EYS: variants seen among roughly 807,000 people sequenced by gnomAD.
EYS encodes the protein protein eyes shut homolog.
A neutral mutation model predicts 282.1 loss-of-function variants in EYS; 250 were observed. The observed-to-expected ratio is 0.89, with a 90% CI of 0.80 to 0.98. The LOEUF (loss-of-function observed/expected upper bound fraction) is 0.98, where lower values mean the gene tolerates loss of function less well. Ranked by LOEUF, EYS falls within the 50% of genes least tolerant of loss-of-function variation. The pLI is 0.00. For missense variants in EYS, 4,016 were observed against 3,709.0 expected (o/e 1.08, Z -2.15); for synonymous variants, 1,355 against 1,282.9 (o/e 1.06, Z -1.20).
At position 65,095,516 on chromosome 6, in the gene EYS, T is replaced by C. The variant is rs554042583; in HGVS notation, c.2024-37789A>G. ...GATTTAGCCATTCTACCATTATATA[T>C]AAATACATTAAAGCATCATGTTGGG... On this transcript the variant is annotated intron_variant, in intron 12 of 42. Coordinates refer to ENST00000503581, the MANE Select transcript of EYS (RefSeq NM_001142800.2). Among the ~76,000 whole-genome samples, 8 of 151,174 alleles carry C rather than the reference T, an allele frequency of 5.3e-5. No homozygotes were observed. In the East Asian group the frequency reaches 5.8e-4, roughly 11 times the overall value.
At chr6:63,987,403 T>C (rs1470422688) in intron 34 of EYS, among the ~76,000 whole-genome samples, 1 of 151,728 alleles carries the variant, frequency 6.6e-6, no homozygotes, top group African/African-American at 2.4e-5. Context: ...CTTATGTGCA[T>C]TGACCAGAAT....
chr6:64,396,504 T>C (rs1257508439), intron 28 of EYS, among the ~76,000 whole-genome samples: 2 of 152,114 alleles, frequency 1.3e-5, no homozygotes, highest in Non-Finnish European at 2.9e-5. Flanking sequence ...TAATAATTAG[T>C]ATTTTGTTGT....
intron 12 of EYS, among the ~76,000 whole-genome samples, chr6:65,260,776 A>C (rs1767599150): frequency 6.6e-6 from 1 of 152,070 alleles, no homozygotes; most frequent in Non-Finnish European, 1.5e-5. Context: ...ATGGGTAAAA[A>C]AGCACAAAAA....
intron 22 of EYS, among the ~76,000 whole-genome samples, chr6:64,643,012 G>T (rs994205444): frequency 1.3e-5 from 2 of 152,086 alleles, no homozygotes; most frequent in African/African-American, 4.8e-5. Flanking sequence ...CTACTTGAGG[G>T]GCTGAGGCAG....
chr6:64,013,423 T>C (rs769473714), intron 33 of EYS, among the ~76,000 whole-genome samples: 4 of 152,186 alleles, frequency 2.6e-5, no homozygotes, highest in Non-Finnish European at 4.4e-5. Context: ...AATATAAATT[T>C]GCATCCAGAA....
chr6:64,654,471 C>T (rs1768676834), intron 22 of EYS, among the ~76,000 whole-genome samples: 1 of 152,098 alleles, frequency 6.6e-6, no homozygotes, highest in Non-Finnish European at 1.5e-5. Flanking sequence ...ATGGAACTAA[C>T]CAAGTCAAAG....
chr6:64,386,461 T>G (rs1772913500), intron 29 of EYS, among the ~76,000 whole-genome samples: 1 of 152,106 alleles, frequency 6.6e-6, no homozygotes, highest in Admixed American at 6.6e-5. Context: ...CTCCTGAGAC[T>G]TATTCACTAC....
chr6:64,827,312 T>A, intron 19 of EYS, among the ~76,000 whole-genome samples: 1 of 151,892 alleles, frequency 6.6e-6, no homozygotes, highest in East Asian at 1.9e-4. Flanking sequence ...TTCCTTTTGA[T>A]ATCTCCCATT....
chr6:65,442,637 C>A (rs944926650), intron 5 of EYS, among the ~76,000 whole-genome samples: 1 of 151,402 alleles, frequency 6.6e-6, no homozygotes, highest in African/African-American at 2.4e-5. Context: ...GCATATAGTC[C>A]CAGGTATCTG....
At chr6:64,343,297 A>G (rs1329881379) in intron 29 of EYS, among the ~76,000 whole-genome samples, 3 of 152,016 alleles carry the variant, frequency 2.0e-5, no homozygotes, top group Non-Finnish European at 4.4e-5. Flanking sequence ...AATTGACCAC[A>G]TAGTTGGAAG....
Position 64,912,644 on chromosome 6 carries a change from A to C in EYS, c.2481T>G (p.Ser827=). 2.6e-6 allele frequency: 4 copies of C among 1,549,920 alleles called. No homozygotes were observed. Among genetic ancestry groups the C allele is most frequent in the Non-Finnish European group, 3.5e-6 (4 of 1,145,748 alleles). The part of the protein sequence containing the change: ...PCMNGGLCHE[S]TIPGQFVCLC... The stretch of plus-strand genomic sequence containing the variant: ...GACATACAAATTGTCCAGGGATGGT[A>C]GATTCATGACAAAGACCTCCATTCA... The change falls in exon 16 of 43, where the codon TCT becomes TCG. Residue 827 remains serine (S), a synonymous_variant. Transcript: ENST00000503581.
In EYS at chr6:64,501,028, GTTT is replaced by G. The variant is rs35021721; in HGVS notation, c.5645-61679_5645-61677del. 1.7e-3 allele frequency among the ~76,000 whole-genome samples: 215 copies of G among 129,814 alleles called. 1 individual carries two copies. The highest frequency in any genetic ancestry group is 0.013 in the South Asian group (50 of 3,846). 85.2% of individuals were successfully genotyped at this position (129,814 alleles called of 152,430 possible). A position where few individuals can be genotyped will look rare whatever the true frequency, so the allele number is the denominator to read the frequency against. On this transcript the variant is annotated intron_variant, in intron 26 of 42. Coordinates refer to ENST00000503581, the MANE Select transcript of EYS (RefSeq NM_001142800.2). The stretch of plus-strand genomic sequence containing the variant: ...TTCTACTTGTCATTATTTTGGGAGA[GTTT>G]TTTTTTTTTTTTTTTAAGAAACCTA...
intron 36 of EYS, among the ~76,000 whole-genome samples, chr6:63,862,167 A>G (rs1290178635): frequency 6.6e-6 from 1 of 152,098 alleles, no homozygotes. Context: ...AATGCCCTCC[A>G]TCCCAGTTAC....
chr6:64,856,137 T>C (rs1433109323), intron 19 of EYS, among the ~76,000 whole-genome samples: 8 of 152,122 alleles, frequency 5.3e-5, no homozygotes, highest in African/African-American at 1.9e-4. Flanking sequence ...GAGAACATTA[T>C]TGTTGGACTG....
At chr6:65,681,062 C>A (rs139239604) in intron 1 of EYS, among the ~76,000 whole-genome samples, 39 of 151,062 alleles carry the variant, frequency 2.6e-4, no homozygotes, top group African/African-American at 6.8e-4. Flanking sequence ...CAGCTGTCAG[C>A]CAACTTATTA....
intron 26 of EYS, among the ~76,000 whole-genome samples, chr6:64,556,279 T>C (rs969577286): frequency 6.6e-5 from 10 of 151,990 alleles, no homozygotes; most frequent in African/African-American, 2.4e-4. Flanking sequence ...ATTCAGACAA[T>C]AGAATATTAT....
intron 28 of EYS, among the ~76,000 whole-genome samples, chr6:64,394,311 C>A (rs1408377960): frequency 6.6e-6 from 1 of 152,020 alleles, no homozygotes; most frequent in African/African-American, 2.4e-5. Context: ...CAAAAAAGAG[C>A]CTGCATCGCC....
At chr6:64,333,022 G>A (rs1481449854) in intron 29 of EYS, among the ~76,000 whole-genome samples, 1 of 152,084 alleles carries the variant, frequency 6.6e-6, no homozygotes, top group Non-Finnish European at 1.5e-5. Flanking sequence ...TCACTGTATA[G>A]TAGAAGCCTG....
chr6:65,276,931 C>A (rs1186231975), intron 12 of EYS, among the ~76,000 whole-genome samples: 2 of 152,114 alleles, frequency 1.3e-5, no homozygotes, highest in Non-Finnish European at 2.9e-5. Context: ...TCTCTTATTT[C>A]CTGGTCATGT....
Sources: allele counts gnomAD v4.1 joint callset (sites outside exome capture counted in the v4.1 genomes callset), GRCh38; gene constraint gnomAD v4.1.1; transcripts MANE v1.5; gene names NCBI Gene and HGNC (gene_info 2026-07-23, HGNC 2026-07-21).